DOK6: variants seen among roughly 807,000 people sequenced by gnomAD.
The protein encoded by DOK6 is docking protein 6.
A neutral mutation model predicts 44.0 loss-of-function variants in DOK6; 22 were observed. The ratio of observed to expected loss-of-function variants is 0.50; its 90% confidence interval spans 0.36 to 0.71. The LOEUF is 0.71. DOK6 is among the 30% of genes least tolerant of loss of function. DOK6 has a pLI of 0.00. For missense variants in DOK6, 340 were observed against 416.4 expected (o/e 0.82, Z 1.60); for synonymous variants, 166 against 145.5 (o/e 1.14, Z -1.01).
intron 6 of DOK6, among the ~76,000 whole-genome samples, chr18:69,747,184 C>T (rs1979013043): frequency 6.6e-6 from 1 of 152,166 alleles, no homozygotes; most frequent in African/African-American, 2.4e-5. Context: ...TCATAAATGT[C>T]AATTTATAAA....
At chr18:69,828,051 G>A (rs1002634691) in intron 7 of DOK6, among the ~76,000 whole-genome samples, 1 of 151,738 alleles carries the variant, frequency 6.6e-6, no homozygotes, top group African/African-American at 2.4e-5. Context: ...TCTAAACCGG[G>A]AATACTGTAC....
Position 69,770,797 on chromosome 18 carries a change from T to C in DOK6, c.856+12924T>C, listed in dbSNP as rs544592360. Among the ~76,000 whole-genome samples the C allele has an allele frequency of 7.2e-5, 11 of 152,174 alleles. No individual in the cohort carries two copies. In the South Asian group the frequency reaches 1.9e-3, roughly 26 times the overall value. On this transcript the variant is annotated intron_variant, in intron 7 of 7. Transcript: ENST00000382713. The stretch of plus-strand genomic sequence containing the variant: ...CTTTAGAAGTGTCTTATTTTGGAGA[T>C]TTCAGAATCACTTTTCCTGTTGCAA...
At chr18:69,765,278 G>A (rs531034739) in intron 7 of DOK6, among the ~76,000 whole-genome samples, 1 of 152,258 alleles carries the variant, frequency 6.6e-6, no homozygotes, top group East Asian at 1.9e-4. Context: ...GTAAAATGAA[G>A]CCTGATAGCC....
At chr18:69,558,636 A>T (rs1395585010) in intron 1 of DOK6, among the ~76,000 whole-genome samples, 1 of 152,286 alleles carries the variant, frequency 6.6e-6, no homozygotes, top group African/African-American at 2.4e-5. Flanking sequence ...TAACTTAATT[A>T]AGACAAACAG....
intron 3 of DOK6, among the ~76,000 whole-genome samples, chr18:69,609,574 G>A (rs1027440068): frequency 2.0e-5 from 3 of 152,050 alleles, no homozygotes; most frequent in Non-Finnish European, 4.4e-5. Context: ...TATTAGTAAC[G>A]GAAATGTAAA....
At chr18:69,735,142 A>C (rs941386826) in intron 5 of DOK6, among the ~76,000 whole-genome samples, 1 of 152,228 alleles carries the variant, frequency 6.6e-6, no homozygotes, top group Non-Finnish European at 1.5e-5. Flanking sequence ...ATAACAGATA[A>C]GTCTGACAGT....
intron 7 of DOK6, among the ~76,000 whole-genome samples, chr18:69,765,294 G>T (rs1979683435): frequency 6.6e-6 from 1 of 152,116 alleles, no homozygotes. Context: ...TAGCCATTTG[G>T]CAACAGCCAT....
At chr18:69,828,884 G>GTGTATATATATATA (rs1555673465) in intron 7 of DOK6, among the ~76,000 whole-genome samples, 1 of 90,172 alleles carries the variant, frequency 1.1e-5, no homozygotes, top group African/African-American at 3.1e-5. Flanking sequence ...ACATTTATGT[G>GTGTATATATATATA]TATATATATA....
At chr18:69,436,241 C>T (rs372844738) in intron 1 of DOK6, among the ~76,000 whole-genome samples, 1 of 150,750 alleles carries the variant, frequency 6.6e-6, no homozygotes, top group East Asian at 2.0e-4. Context: ...CATAGGTATA[C>T]GCGTGCCATG....
At position 69,754,924 on chromosome 18, in the gene DOK6, T is replaced by TG. The variant is rs1979306560; in HGVS notation, c.739-2828dup. Among the ~76,000 whole-genome samples, 2 of 152,150 alleles carry TG rather than the reference T, an allele frequency of 1.3e-5. 1 individual carries two copies. Among genetic ancestry groups the TG allele is most frequent in the South Asian group, 4.1e-4 (2 of 4,828 alleles). On this transcript the variant is annotated intron_variant, in intron 6 of 7. Coordinates refer to ENST00000382713, the MANE Select transcript of DOK6 (RefSeq NM_152721.6). ...GCAGTACTCAATACATAGGTACACA[T>TG]GGGGAATGGACTCTATTTTAAAAGT... is the stretch of plus-strand genomic sequence containing the variant.
intron 1 of DOK6, among the ~76,000 whole-genome samples, chr18:69,477,986 G>A (rs530734695): frequency 2.6e-5 from 4 of 152,200 alleles, no homozygotes; most frequent in South Asian, 2.1e-4. Context: ...AAGTATTATC[G>A]TTAACAAATG....
intron 1 of DOK6, among the ~76,000 whole-genome samples, chr18:69,429,669 T>A (rs1294213694): frequency 4.2e-5 from 5 of 118,022 alleles, no homozygotes; most frequent in Non-Finnish European, 7.5e-5. Context: ...ATATATCTTA[T>A]TAATACAACT....
At chr18:69,531,989 T>C (rs1433864845) in intron 1 of DOK6, among the ~76,000 whole-genome samples, 1 of 152,090 alleles carries the variant, frequency 6.6e-6, no homozygotes, top group Non-Finnish European at 1.5e-5. Flanking sequence ...AGGATTAGTG[T>C]TCTTATAAAT....
At chr18:69,631,720 A>G (rs1228317157) in intron 3 of DOK6, among the ~76,000 whole-genome samples, 2 of 152,210 alleles carry the variant, frequency 1.3e-5, no homozygotes, top group African/African-American at 4.8e-5. Context: ...TGCACAGGAA[A>G]AAGAAATTGT....
chr18:69,527,210 A>G (rs1427050273), intron 1 of DOK6, among the ~76,000 whole-genome samples: 1 of 152,030 alleles, frequency 6.6e-6, no homozygotes, highest in Non-Finnish European at 1.5e-5. Flanking sequence ...CCCTCCACCC[A>G]CTTCACTGAG....
At chr18:69,758,103 C>G (rs570264036) in intron 7 of DOK6, among the ~76,000 whole-genome samples, 9 of 152,158 alleles carry the variant, frequency 5.9e-5, no homozygotes. Context: ...GCTAAGGACC[C>G]CATTTGGCAC....
At chr18:69,833,015 T>A (rs544712720) in intron 7 of DOK6, among the ~76,000 whole-genome samples, 1 of 152,144 alleles carries the variant, frequency 6.6e-6, no homozygotes, top group Admixed American at 6.5e-5. Flanking sequence ...TTCGATGCAA[T>A]CCCTATCAAA....
intron 1 of DOK6, among the ~76,000 whole-genome samples, chr18:69,543,570 CT>C (rs1164425804): frequency 6.6e-6 from 1 of 151,504 alleles, no homozygotes; most frequent in African/African-American, 2.4e-5. Context: ...GTTTTCCCAA[CT>C]TTTAAACCAA....
rs146937908 is a variant in DOK6 at position 69,581,905 on chromosome 18, G to A, written c.174+17311G>A. ...CATGCAGCAGTCATTTTGTGGCCACGAGGAAACAAGCCTGTGAGAAATGCT... is the reference window on the plus strand; with the variant it reads ...CATGCAGCAGTCATTTTGTGGCCACAAGGAAACAAGCCTGTGAGAAATGCT... On this transcript the variant is annotated intron_variant, in intron 2 of 7. Transcript: ENST00000382713. Among the ~76,000 whole-genome samples the A allele has an allele frequency of 1.6e-4, 25 of 152,246 alleles. No individual in the cohort carries two copies. In the East Asian group the frequency reaches 2.5e-3, roughly 15 times the overall value.
Sources: allele counts gnomAD v4.1 joint callset (sites outside exome capture counted in the v4.1 genomes callset), GRCh38; gene constraint gnomAD v4.1.1; transcripts MANE v1.5; gene names NCBI Gene and HGNC (gene_info 2026-07-23, HGNC 2026-07-21).